Variants in LHPP observed in about 807,000 individuals in gnomAD.
LHPP encodes the protein phospholysine phosphohistidine inorganic pyrophosphate phosphatase, also known as hLHPP.
A neutral mutation model predicts 30.3 loss-of-function variants in LHPP; 24 were observed. That is an observed-to-expected ratio of 0.79 (90% CI 0.57 to 1.11). The LOEUF (loss-of-function observed/expected upper bound fraction) is 1.11. LHPP is among the 50% of genes most tolerant of loss of function. The pLI is 0.00. For synonymous variants in LHPP, 150 were observed against 157.1 expected, an observed-to-expected ratio of 0.95 and a Z score of 0.34; for missense variants, 356 against 367.2, an observed-to-expected ratio of 0.97 and a Z score of 0.25.
Position 124,557,453 on chromosome 10 carries a change from C to T in LHPP, c.716+40182C>T, listed in dbSNP as rs974699309. ...GGACGAGTTCCAAAGGGAACTCGGG[C>T]GCACTAGCCCCCTTTGTTTGTGTTT... On this transcript the variant is annotated intron_variant, in intron 6 of 6. Transcript: ENST00000368842. Among the ~76,000 whole-genome samples the T allele has an allele frequency of 3.9e-5, 6 of 152,194 alleles. No homozygotes were observed. In the South Asian group the frequency reaches 6.2e-4, roughly 16 times the overall value.
chr10:124,555,760 T>A (rs1347673377), intron 6 of LHPP, among the ~76,000 whole-genome samples: 1 of 152,182 alleles, frequency 6.6e-6, no homozygotes, highest in Non-Finnish European at 1.5e-5. Flanking sequence ...CAAAAAAAAA[T>A]TCAATATAAT....
rs1158002865 is a variant in LHPP, at chr10:124,498,037, A to G, written c.533A>G (p.Tyr178Cys). 1 of 1,613,312 alleles carries G rather than the reference A, an allele frequency of 6.2e-7. No homozygotes were observed. The highest frequency in any genetic ancestry group is 2.2e-5 in the East Asian group (1 of 44,884). Reference protein sequence around the residue: ...DVGPYMKALEYACGIKAEVVG... With the variant: ...DVGPYMKALECACGIKAEVVG... ...CCATGTCCCTCTCTCTTTTCCCAGT[A>G]TGCCTGTGGCATCAAAGCCGAGGTG... is the stretch of plus-strand genomic sequence containing the variant. Residue 178 changes from tyrosine to cysteine, a missense_variant and splice_region_variant, in exon 5 of 7, where the codon TAT becomes TGT. By Grantham distance (194) the Tyr-to-Cys change is radical. Transcript: ENST00000368842.
intron 6 of LHPP, among the ~76,000 whole-genome samples, chr10:124,546,505 C>A (rs1293669759): frequency 6.6e-6 from 1 of 152,214 alleles, no homozygotes. Flanking sequence ...TGGGTTCACA[C>A]CATTCTCCTG....
At chr10:124,606,997 G>A (rs1475278206) in intron 6 of LHPP, among the ~76,000 whole-genome samples, 2 of 152,090 alleles carry the variant, frequency 1.3e-5, no homozygotes. Flanking sequence ...GTTTCTGCCT[G>A]TCTCATGGTT....
intron 6 of LHPP, among the ~76,000 whole-genome samples, chr10:124,537,980 C>G (rs1055541782): frequency 5.3e-5 from 8 of 152,206 alleles, no homozygotes; most frequent in African/African-American, 1.9e-4. Context: ...TGTCCTTGAC[C>G]CCACTCTGAC....
At chr10:124,498,476 T>C in intron 5 of LHPP, 1 of 1,465,504 alleles carries the variant, frequency 6.8e-7, no homozygotes, top group South Asian at 1.4e-5. Flanking sequence ...ATTACAACAA[T>C]ATGGAGGAAA....
chr10:124,586,641 G>C (rs1948806864), intron 6 of LHPP, among the ~76,000 whole-genome samples: 1 of 152,174 alleles, frequency 6.6e-6, no homozygotes, highest in Non-Finnish European at 1.5e-5. Flanking sequence ...TTGAGCTGAG[G>C]CTTGAAAGAA....
chr10:124,471,471 AT>A (rs377003897), intron 1 of LHPP, among the ~76,000 whole-genome samples: 26 of 1,116 alleles, frequency 0.023, 4 homozygotes, highest in East Asian at 0.23. Context: ...ATATTTATAT[AT>A]TATATATATT....
chr10:124,494,317 G>A (rs1953633686), intron 3 of LHPP, among the ~76,000 whole-genome samples: 1 of 152,190 alleles, frequency 6.6e-6, no homozygotes. Context: ...GCCGGCCCCA[G>A]GGTAGCTGAG....
rs541811467 is a variant in LHPP, at chr10:124,556,284, A to G, written c.716+39013A>G. On this transcript the variant is annotated intron_variant, in intron 6 of 6. Transcript: ENST00000368842. ...CTAGTCCACAGGTGAGGTCAGGAGC[A>G]CAGGCTGTTTTGGGACATCTCTTCC... Among the ~76,000 whole-genome samples the G allele has an allele frequency of 1.8e-3, 269 of 152,354 alleles. 2 individuals are homozygous for G. The highest frequency in any genetic ancestry group is 0.015 in the South Asian group (72 of 4,824).
At chr10:124,518,833 G>A (rs553651187) in intron 6 of LHPP, among the ~76,000 whole-genome samples, 4 of 152,230 alleles carry the variant, frequency 2.6e-5, no homozygotes, top group Non-Finnish European at 4.4e-5. Flanking sequence ...ACGCCAGCAA[G>A]GGTTGGTGCT....
At chr10:124,474,635 C>G (rs1026448758) in intron 1 of LHPP, among the ~76,000 whole-genome samples, 1 of 152,082 alleles carries the variant, frequency 6.6e-6, no homozygotes, top group Non-Finnish European at 1.5e-5. Flanking sequence ...CAGCAGGTCC[C>G]ATCTCTAAAC....
intron 6 of LHPP, among the ~76,000 whole-genome samples, chr10:124,556,535 C>A (rs566456327): frequency 3.4e-4 from 52 of 152,314 alleles, no homozygotes; most frequent in Middle Eastern, 6.8e-3. Flanking sequence ...TTTAAGATAA[C>A]TTCTCACACA....
At chr10:124,557,240 G>A (rs1168479313) in intron 6 of LHPP, among the ~76,000 whole-genome samples, 4 of 152,236 alleles carry the variant, frequency 2.6e-5, no homozygotes, top group African/African-American at 9.6e-5. Context: ...AGGAAGTTTG[G>A]ACGGCTGTGG....
At chr10:124,466,823 A>G (rs1360132188) in intron 1 of LHPP, among the ~76,000 whole-genome samples, 1 of 152,082 alleles carries the variant, frequency 6.6e-6, no homozygotes, top group East Asian at 1.9e-4. Flanking sequence ...TACAATTCAA[A>G]TATTAAATTG....
intron 6 of LHPP, among the ~76,000 whole-genome samples, chr10:124,611,288 C>G (rs1244033998): frequency 6.6e-6 from 1 of 152,036 alleles, no homozygotes; most frequent in Non-Finnish European, 1.5e-5. Context: ...GAGTAGAACT[C>G]AGTCAGATCC....
intron 6 of LHPP, among the ~76,000 whole-genome samples, chr10:124,587,255 G>A (rs113148868): frequency 0.12 from 18,609 of 151,068 alleles, 1,668 homozygotes; most frequent in South Asian, 0.25. Flanking sequence ...GGCTGGTCTC[G>A]AACTCCTGGC....
chr10:124,560,122 C>T (rs563692337), intron 6 of LHPP, among the ~76,000 whole-genome samples: 6 of 152,324 alleles, frequency 3.9e-5, no homozygotes, highest in African/African-American at 1.4e-4. Context: ...GACACTCAGC[C>T]TGTGATGGCT....
intron 5 of LHPP, among the ~76,000 whole-genome samples, chr10:124,505,871 C>T (rs558422212): frequency 9.9e-5 from 15 of 152,212 alleles, no homozygotes; most frequent in African/African-American, 3.1e-4. Context: ...TGGAGGGGCC[C>T]GTTTCACAGG....
Sources: gnomAD v4.1 joint callset for allele counts (sites outside exome capture counted in the v4.1 genomes callset) on GRCh38, gnomAD v4.1.1 for gene constraint, MANE v1.5 for transcripts, NCBI Gene and HGNC (gene_info 2026-07-23, HGNC 2026-07-21) for gene names.